Variants in SETBP1 observed in about 807,000 individuals in gnomAD.
SETBP1 encodes the protein SET binding protein 1.
A neutral mutation model predicts 101.0 loss-of-function variants in SETBP1; 9 were observed. The observed-to-expected ratio is 0.09, with a 90% CI of 0.05 to 0.16. The LOEUF (loss-of-function observed/expected upper bound fraction) is 0.16. SETBP1 is among the 10% of genes least tolerant of loss of function. The probability of loss-of-function intolerance (pLI) is 1.00; values close to 1 mark genes in which losing one functional copy is unlikely to be tolerated. For synonymous variants in SETBP1, 818 were observed against 788.5 expected (o/e 1.04, Z -0.63); for missense variants, 1,858 against 2,033.8 (o/e 0.91, Z 1.66).
intron 2 of SETBP1, among the ~76,000 whole-genome samples, chr18:44,771,060 G>C (rs1188207533): frequency 6.6e-6 from 1 of 151,904 alleles, no homozygotes; most frequent in Non-Finnish European, 1.5e-5. Context: ...ATCTCTGATA[G>C]CCTATGTCAC....
chr18:44,886,806 C>T (rs2069660346), intron 3 of SETBP1, among the ~76,000 whole-genome samples: 1 of 147,342 alleles, frequency 6.8e-6, no homozygotes, highest in Non-Finnish European at 1.5e-5. Context: ...TAAAAGGAAG[C>T]CAACTGTTTC....
intron 4 of SETBP1, 95 bp downstream of exon 4, chr18:44,953,435 T>G: frequency 8.8e-7 from 1 of 1,142,596 alleles, no homozygotes; most frequent in Non-Finnish European, 1.3e-6. Flanking sequence ...GTTCACTAGT[T>G]TGCAAAGAGG....
intron 4 of SETBP1, among the ~76,000 whole-genome samples, chr18:45,009,602 C>T (rs1240229804): frequency 1.3e-5 from 2 of 151,908 alleles, no homozygotes; most frequent in African/African-American, 4.8e-5. Flanking sequence ...TCCAGGAGGG[C>T]ATTGCTTCTG....
intron 2 of SETBP1, among the ~76,000 whole-genome samples, chr18:44,832,005 G>T (rs986859993): frequency 3.3e-5 from 5 of 152,092 alleles, no homozygotes; most frequent in Non-Finnish European, 7.4e-5. Flanking sequence ...CACAAAATTG[G>T]TATTCAATAA....
At chr18:44,994,566 T>G (rs2072450431) in intron 4 of SETBP1, among the ~76,000 whole-genome samples, 1 of 152,230 alleles carries the variant, frequency 6.6e-6, no homozygotes. Context: ...CTTGCCCACA[T>G]GTGTAGAAGA....
At chr18:44,680,638 C>T (rs2068743634), upstream of SETBP1, among the ~76,000 whole-genome samples, 2 of 152,020 alleles carry the variant, frequency 1.3e-5, no homozygotes, top group African/African-American at 2.4e-5. Context: ...GGCGGGTGGG[C>T]GGCGATGCTG....
At chr18:44,925,995 A>G (rs2070697214) in intron 3 of SETBP1, among the ~76,000 whole-genome samples, 1 of 152,208 alleles carries the variant, frequency 6.6e-6, no homozygotes, top group South Asian at 2.1e-4. Flanking sequence ...GGAAGGGGGA[A>G]GTTGTTGGGG....
chr18:44,734,523 T>C (rs899966679), intron 2 of SETBP1, among the ~76,000 whole-genome samples: 4 of 152,214 alleles, frequency 2.6e-5, no homozygotes, highest in African/African-American at 7.2e-5. Flanking sequence ...TAAAGACTTA[T>C]CTCTTACCAG....
intron 2 of SETBP1, among the ~76,000 whole-genome samples, chr18:44,754,892 T>G (rs964278497): frequency 3.3e-5 from 5 of 152,208 alleles, no homozygotes; most frequent in Non-Finnish European, 7.3e-5. Flanking sequence ...CCCAACATAG[T>G]GGGTCAAAGA....
At chr18:44,884,421 C>T (rs954874362) in intron 3 of SETBP1, among the ~76,000 whole-genome samples, 1 of 152,176 alleles carries the variant, frequency 6.6e-6, no homozygotes, top group Non-Finnish European at 1.5e-5. Context: ...CCCATATGTC[C>T]TCTCTATCTG....
intron 2 of SETBP1, among the ~76,000 whole-genome samples, chr18:44,809,706 A>T (rs2071819590): frequency 6.6e-6 from 1 of 152,104 alleles, no homozygotes; most frequent in Admixed American, 6.6e-5. Context: ...TTGGGGAAGG[A>T]GGTGAGGGGT....
chr18:44,876,669 C>T lies in SETBP1; in HGVS notation c.540+7386C>T, dbSNP rs767687415. 7.1e-6 allele frequency: 11 copies of T among 1,549,402 alleles called. No homozygotes were observed. The Admixed American group carries it at 1.8e-4, about 25-fold the overall frequency. ...AGGAACGTGCCATGTGCTTCTCATG[C>T]CCCCGGAACCCATTCCCCGCAAAAC... On this transcript the variant is annotated intron_variant, in intron 3 of 5. Transcript: ENST00000649279.
chr18:44,759,672 T>C (rs1031081516), intron 2 of SETBP1, among the ~76,000 whole-genome samples: 2 of 152,196 alleles, frequency 1.3e-5, no homozygotes, highest in Non-Finnish European at 2.9e-5. Context: ...TGCAAAGATA[T>C]TGGACAATGA....
rs771358753 is a variant in SETBP1 at position 44,876,629 on chromosome 18, A to G, written c.540+7346A>G. 24 of 1,551,664 alleles carry G rather than the reference A, an allele frequency of 1.5e-5. No individual in the cohort carries two copies. In the Middle Eastern group the frequency reaches 5.0e-4, roughly 33 times the overall value. ...GGAGGCCAAGGCATCCCATTCAAAA[A>G]GCAATTCCTGTCCCAGGAACGTGCC... On this transcript the variant is annotated intron_variant, in intron 3 of 5. Coordinates refer to ENST00000649279, the MANE Select transcript of SETBP1 (RefSeq NM_015559.3).
At chr18:45,048,328 C>T (rs889713470) in intron 5 of SETBP1, among the ~76,000 whole-genome samples, 2 of 152,182 alleles carry the variant, frequency 1.3e-5, no homozygotes, top group African/African-American at 4.8e-5. Context: ...CAGATGAAAA[C>T]ACCAATCACA....
At chr18:44,755,965 C>T (rs2070483610) in intron 2 of SETBP1, among the ~76,000 whole-genome samples, 1 of 152,098 alleles carries the variant, frequency 6.6e-6, no homozygotes, top group African/African-American at 2.4e-5. Flanking sequence ...CCTGTAATCC[C>T]AGCACTTTGG....
intron 2 of SETBP1, among the ~76,000 whole-genome samples, chr18:44,844,585 A>G (rs888189260): frequency 6.6e-6 from 1 of 152,208 alleles, no homozygotes; most frequent in Non-Finnish European, 1.5e-5. Context: ...ATTGGAGGTC[A>G]GTTTGGATTG....
At chr18:44,973,234 A>G (rs539649474) in intron 4 of SETBP1, among the ~76,000 whole-genome samples, 3 of 152,290 alleles carry the variant, frequency 2.0e-5, no homozygotes, top group African/African-American at 7.2e-5. Flanking sequence ...AGCCCACTTG[A>G]TCATGGTGGA....
chr18:44,870,473 C>T (rs2069247388), intron 3 of SETBP1: 2 of 152,316 alleles, frequency 1.3e-5, no homozygotes, highest in South Asian at 4.1e-4. Context: ...GTGTTGTCAT[C>T]TCACCTTGTT....
Sources: allele counts gnomAD v4.1 joint callset (sites outside exome capture counted in the v4.1 genomes callset), GRCh38; gene constraint gnomAD v4.1.1; transcripts MANE v1.5; gene names NCBI Gene and HGNC (gene_info 2026-07-23, HGNC 2026-07-21).